The following ALK variants were observed in gnomAD, a reference collection of about 807,000 sequenced individuals.
ALK encodes ALK tyrosine kinase receptor.
A neutral mutation model predicts 163.1 loss-of-function variants in ALK; 74 were observed. The ratio of observed to expected loss-of-function variants is 0.45; its 90% CI spans 0.38 to 0.55. The LOEUF (loss-of-function observed/expected upper bound fraction) is 0.55. ALK is among the 20% of genes least tolerant of loss of function. The pLI is 0.00. For missense variants in ALK, 2,063 were observed against 2,105.3 expected (o/e 0.98, Z 0.39); for synonymous variants, 960 against 843.2 (o/e 1.14, Z -2.40).
chr2:29,878,946 T>C (rs1046824481), intron 1 of ALK, among the ~76,000 whole-genome samples: 2 of 152,002 alleles, frequency 1.3e-5, no homozygotes, highest in Non-Finnish European at 2.9e-5. Context: ...CAGAGAAACA[T>C]AGTAGTCTAG....
intron 1 of ALK, among the ~76,000 whole-genome samples, chr2:29,736,313 T>A (rs1486804612): frequency 1.3e-5 from 2 of 152,088 alleles, no homozygotes; most frequent in East Asian, 3.8e-4. Context: ...TTCAATGGTC[T>A]GGTTATGAGT....
chr2:29,233,826 C>A lies in ALK; in HGVS notation c.2356-130G>T, dbSNP rs1226060908. On this transcript the variant is annotated intron_variant, in intron 13 of 28. Transcript: ENST00000389048. ...AAAACTTACAGTTGAGTTGAGGAGG[C>A]AGAAAAATATACCAATAACTGTCAC... 4.2e-6 allele frequency: 5 copies of A among 1,188,596 alleles called. No homozygotes were observed. The Admixed American group carries it at 9.1e-5, about 22-fold the overall frequency. The allele number at this position is 1,188,596 out of a possible 1,614,324, so 73.6% of individuals were successfully genotyped here.
chr2:29,229,719 A>T (rs1449894451), intron 15 of ALK, among the ~76,000 whole-genome samples: 1 of 152,186 alleles, frequency 6.6e-6, no homozygotes, highest in East Asian at 1.9e-4. Flanking sequence ...AATGCTCCAC[A>T]AACTGCCAGG....
At chr2:29,835,599 C>T (rs116753549) in intron 1 of ALK, among the ~76,000 whole-genome samples, 1 of 152,114 alleles carries the variant, frequency 6.6e-6, no homozygotes, top group Non-Finnish European at 1.5e-5. Flanking sequence ...ATAAGAAAGT[C>T]CATGATATGG....
intron 1 of ALK, among the ~76,000 whole-genome samples, chr2:29,749,745 T>A (rs544361069): frequency 0.014 from 2,150 of 152,272 alleles, 49 homozygotes; most frequent in African/African-American, 0.049. Context: ...GCAACTTCAG[T>A]TTAGCCGAAC....
chr2:29,838,985 ATACTT>A (rs1333442087), intron 1 of ALK, among the ~76,000 whole-genome samples: 1 of 152,162 alleles, frequency 6.6e-6, no homozygotes, highest in African/African-American at 2.4e-5. Context: ...TATGTATAAT[ATACTT>A]TAATGTTTTA....
intron 5 of ALK, among the ~76,000 whole-genome samples, chr2:29,377,474 CA>C (rs372035289): frequency 0.14 from 17,150 of 118,726 alleles, 1,138 homozygotes; most frequent in African/African-American, 0.23. Context: ...GACTACATCT[CA>C]AAAAAAAAAA....
At chr2:29,730,552 T>C (rs1679711270) in intron 1 of ALK, among the ~76,000 whole-genome samples, 1 of 152,188 alleles carries the variant, frequency 6.6e-6, no homozygotes, top group Non-Finnish European at 1.5e-5. Flanking sequence ...CCCTTTCATT[T>C]AAGCCTTTGA....
At chr2:29,345,888 C>G (rs751707392) in intron 5 of ALK, among the ~76,000 whole-genome samples, 1 of 152,138 alleles carries the variant, frequency 6.6e-6, no homozygotes, top group African/African-American at 2.4e-5. Flanking sequence ...ACTGTTGGAA[C>G]AGCATAGCAA....
intron 4 of ALK, among the ~76,000 whole-genome samples, chr2:29,432,920 C>T (rs1670307907): frequency 1.3e-5 from 2 of 152,168 alleles, no homozygotes; most frequent in Non-Finnish European, 2.9e-5. Context: ...CTCATACTTA[C>T]TAGCTATGAG....
chr2:29,428,570 A>C (rs1670199882), intron 4 of ALK, among the ~76,000 whole-genome samples: 1 of 152,032 alleles, frequency 6.6e-6, no homozygotes, highest in Non-Finnish European at 1.5e-5. Context: ...TGACTCAAGA[A>C]GAAATAGAAA....
At chr2:29,734,663 C>A (rs1477810131) in intron 1 of ALK, among the ~76,000 whole-genome samples, 1 of 152,048 alleles carries the variant, frequency 6.6e-6, no homozygotes, top group Non-Finnish European at 1.5e-5. Flanking sequence ...GAAACACACA[C>A]ACACACACAA....
intron 1 of ALK, among the ~76,000 whole-genome samples, chr2:29,827,770 C>G (rs969352498): frequency 6.6e-6 from 1 of 152,088 alleles, no homozygotes; most frequent in Non-Finnish European, 1.5e-5. Context: ...CAATGCCATC[C>G]CCATCAAGCT....
intron 4 of ALK, among the ~76,000 whole-genome samples, chr2:29,416,979 CTTTTTTTTTTT>C (rs751862066): frequency 2.6e-5 from 2 of 77,664 alleles, no homozygotes; most frequent in East Asian, 3.7e-4. Context: ...ATGTTTGATG[CTTTTTTTTTTT>C]TTTTTTTTTT....
At chr2:29,229,543 T>C (rs941991561) in intron 15 of ALK, among the ~76,000 whole-genome samples, 1 of 152,190 alleles carries the variant, frequency 6.6e-6, no homozygotes, top group African/African-American at 2.4e-5. Flanking sequence ...CTAAAGTTCC[T>C]TGCAGGAATC....
intron 4 of ALK, among the ~76,000 whole-genome samples, chr2:29,522,075 T>G (rs1352475169): frequency 6.6e-6 from 1 of 152,216 alleles, no homozygotes; most frequent in Non-Finnish European, 1.5e-5. Flanking sequence ...TAATGGTTAA[T>G]AATGATAAAT....
chr2:29,593,794 G>C (rs974921103), intron 3 of ALK, among the ~76,000 whole-genome samples: 1 of 152,202 alleles, frequency 6.6e-6, no homozygotes, highest in Non-Finnish European at 1.5e-5. Flanking sequence ...TGGCAAACCA[G>C]TGTATTCTTA....
intron 4 of ALK, among the ~76,000 whole-genome samples, chr2:29,447,742 T>C (rs985763994): frequency 1.3e-5 from 2 of 152,176 alleles, no homozygotes; most frequent in African/African-American, 4.8e-5. Flanking sequence ...GCCCTCCAGG[T>C]AGCTCCTGGC....
chr2:29,694,620 C>T (rs1678498331), intron 3 of ALK, among the ~76,000 whole-genome samples: 1 of 152,198 alleles, frequency 6.6e-6, no homozygotes, highest in Non-Finnish European at 1.5e-5. Context: ...TTATGAAACC[C>T]TACTTTTATT....
Sources: allele counts gnomAD v4.1 joint callset (sites outside exome capture counted in the v4.1 genomes callset), GRCh38; gene constraint gnomAD v4.1.1; transcripts MANE v1.5; gene names NCBI Gene and HGNC (gene_info 2026-07-23, HGNC 2026-07-21).